The following PHLPP1 variants were observed in gnomAD, a reference collection of about 807,000 sequenced individuals.
PHLPP1 encodes the protein PH domain and leucine rich repeat protein phosphatase 1, also known as PH domain leucine-rich repeat-containing protein phosphatase 1.
A neutral mutation model predicts 117.2 loss-of-function variants in PHLPP1; 42 were observed. That is an observed-to-expected ratio of 0.36 (90% CI 0.28 to 0.46). PHLPP1 has a LOEUF of 0.46. PHLPP1 is among the 20% of genes least tolerant of loss of function. PHLPP1 has a pLI of 1.00. For missense variants in PHLPP1, 2,084 were observed against 2,241.9 expected, an observed-to-expected ratio of 0.93 and a Z score of 1.42; for synonymous variants, 1,042 against 970.7, an observed-to-expected ratio of 1.07 and a Z score of -1.37.
chr18:62,850,000 T>C (rs1915297583), intron 3 of PHLPP1, among the ~76,000 whole-genome samples: 1 of 150,582 alleles, frequency 6.6e-6, no homozygotes, highest in Admixed American at 6.7e-5. Flanking sequence ...AGTGGAGCAA[T>C]TGAAAAAACA....
At chr18:62,834,487 A>G (rs117854247) in intron 2 of PHLPP1, among the ~76,000 whole-genome samples, 14 of 152,188 alleles carry the variant, frequency 9.2e-5, no homozygotes, top group African/African-American at 2.9e-4. Context: ...CACAATTCCT[A>G]TAATGATCTC....
At position 62,717,380 on chromosome 18, in the gene PHLPP1, C is replaced by T. The variant is rs957997299; in HGVS notation, c.1576+121C>T. ...AGTGCGGGTCCTGATGAGTCTTTGT[C>T]TTAAACTTTACAGCTTTTTCATACA... On this transcript the variant is annotated intron_variant, in intron 1 of 16. Coordinates refer to ENST00000262719, the MANE Select transcript of PHLPP1 (RefSeq NM_194449.4). 3.9e-5 allele frequency: 52 copies of T among 1,329,934 alleles called. No individual in the cohort carries two copies. In the Admixed American group the frequency reaches 1.4e-3, roughly 36 times the overall value. The allele number at this position is 1,329,934 out of a possible 1,614,324, so 82.4% of individuals were successfully genotyped here.
intron 6 of PHLPP1, among the ~76,000 whole-genome samples, chr18:62,900,063 G>A (rs575764148): frequency 6.6e-6 from 1 of 152,142 alleles, no homozygotes; most frequent in East Asian, 1.9e-4. Context: ...TTGGGAGGCC[G>A]AGGCAGGTGG....
intron 14 of PHLPP1, 97 bp from the exon 15 acceptor site, chr18:62,972,417 G>C: frequency 8.9e-7 from 1 of 1,128,308 alleles, no homozygotes; most frequent in Non-Finnish European, 1.3e-6. Context: ...TGAAGAAAGA[G>C]ACAAAACTGA....
intron 4 of PHLPP1, among the ~76,000 whole-genome samples, chr18:62,873,302 C>G (rs1404655127): frequency 6.6e-6 from 1 of 152,136 alleles, no homozygotes. Flanking sequence ...ATGTCTTTAT[C>G]TTAGACTATT....
intron 10 of PHLPP1, among the ~76,000 whole-genome samples, chr18:62,934,209 A>G (rs1264497261): frequency 6.6e-6 from 1 of 152,198 alleles, no homozygotes; most frequent in Non-Finnish European, 1.5e-5. Context: ...CAGCAATCAC[A>G]CTACTGAATA....
At chr18:62,718,778 C>T (rs1250707817) in intron 1 of PHLPP1, among the ~76,000 whole-genome samples, 22 of 152,110 alleles carry the variant, frequency 1.4e-4, no homozygotes. Context: ...ATGGAAGGAA[C>T]TGTATATAAA....
At chr18:62,849,830 A>ATATATATATATATATATATATATAT (rs1465429883) in intron 3 of PHLPP1, among the ~76,000 whole-genome samples, 10 of 21,198 alleles carry the variant, frequency 4.7e-4, no homozygotes, top group East Asian at 2.2e-3. Flanking sequence ...AAAAAAAAAA[A>ATATATATATATATATATATATATAT]AAATATATAT....
intron 1 of PHLPP1, among the ~76,000 whole-genome samples, chr18:62,747,924 A>G (rs1911726042): frequency 6.6e-6 from 1 of 152,206 alleles, no homozygotes; most frequent in Admixed American, 6.5e-5. Context: ...ATTTTATCGT[A>G]TAATTGTCAA....
chr18:62,871,732 T>A (rs372538620), intron 4 of PHLPP1, among the ~76,000 whole-genome samples: 1 of 144,714 alleles, frequency 6.9e-6, no homozygotes, highest in East Asian at 2.2e-4. Flanking sequence ...GCAGCCTCCA[T>A]CTCCCAGACT....
chr18:62,978,303 G>T lies in PHLPP1; in HGVS notation c.4026G>T (p.Leu1342=). The change falls in exon 17 of 17, where the codon CTG becomes CTT. Residue 1342 remains leucine (L), a synonymous_variant. Transcript: ENST00000262719. The surrounding 1 kb of genome is among the most constrained non-coding windows in gnomAD (Gnocchi z 7.0). ...GAGTGACTGAGTCCACGCGCATCCT[G>T]GGCTACACCTTCCTCCATCCCAGTG... is the stretch of plus-strand genomic sequence containing the variant. ...VNGVTESTRI[L]GYTFLHPSVV... 6.2e-7 allele frequency: 1 copy of T among 1,612,638 alleles called. No homozygotes were observed. The highest frequency in any genetic ancestry group is 8.5e-7 in the Non-Finnish European group (1 of 1,179,116).
chr18:62,973,003 TGCAATGC>T (rs1275796553), intron 15 of PHLPP1, among the ~76,000 whole-genome samples: 1 of 152,224 alleles, frequency 6.6e-6, no homozygotes, highest in Non-Finnish European at 1.5e-5. Flanking sequence ...TCAGATTGTT[TGCAATGC>T]CATTTCTCCT....
At chr18:62,833,853 G>A (rs1313017543) in intron 2 of PHLPP1, among the ~76,000 whole-genome samples, 1 of 152,082 alleles carries the variant, frequency 6.6e-6, no homozygotes, top group East Asian at 1.9e-4. Flanking sequence ...TGCTGCTATA[G>A]TCTCATGTTG....
chr18:62,828,446 G>A (rs1914668819), intron 1 of PHLPP1, among the ~76,000 whole-genome samples: 1 of 152,192 alleles, frequency 6.6e-6, no homozygotes, highest in African/African-American at 2.4e-5. Flanking sequence ...TAACAGTGTA[G>A]CTGTTTGCTG....
chr18:62,833,814 G>C (rs150962951), intron 2 of PHLPP1, among the ~76,000 whole-genome samples: 1 of 152,190 alleles, frequency 6.6e-6, no homozygotes, highest in African/African-American at 2.4e-5. Flanking sequence ...GTTGCTTTCA[G>C]TTTGTTGTTG....
In PHLPP1 at chr18:62,951,854, G is replaced by A. The variant is rs1323328826; in HGVS notation, c.3324+6583G>A. Among the ~76,000 whole-genome samples, 10 of 131,686 alleles carry A rather than the reference G, an allele frequency of 7.6e-5. 1 individual carries two copies. Among genetic ancestry groups the A allele is most frequent in the Admixed American group, 1.8e-4 (2 of 11,324 alleles). The allele number at this position is 131,686 out of a possible 152,430, so 86.4% of individuals were successfully genotyped here. A position where few individuals can be genotyped will look rare whatever the true frequency, so the allele number is the denominator to read the frequency against. ...TTTTTTGAGACGGAGTCTTGCTGTC[G>A]CCCAGGCTCGAGTGCAATGGCGCGA... On this transcript the variant is annotated intron_variant, in intron 12 of 16. Transcript: ENST00000262719.
At chr18:62,817,696 C>T (rs1026549738) in intron 1 of PHLPP1, among the ~76,000 whole-genome samples, 45 of 151,820 alleles carry the variant, frequency 3.0e-4, no homozygotes, top group Admixed American at 7.2e-4. Flanking sequence ...CAAATTTGAC[C>T]ATAAATCTAA....
intron 1 of PHLPP1, among the ~76,000 whole-genome samples, chr18:62,802,064 T>A (rs1025399226): frequency 6.6e-6 from 1 of 152,160 alleles, no homozygotes; most frequent in Non-Finnish European, 1.5e-5. Flanking sequence ...TTGGCCAGAA[T>A]GTGTGTATGT....
At chr18:62,933,681 A>T (rs1258641323) in intron 10 of PHLPP1, among the ~76,000 whole-genome samples, 2 of 152,188 alleles carry the variant, frequency 1.3e-5, no homozygotes, top group Non-Finnish European at 2.9e-5. Flanking sequence ...TCTTCTGGAC[A>T]TTGGCCTGGG....
Sources: gnomAD v4.1 joint callset for allele counts (sites outside exome capture counted in the v4.1 genomes callset) on GRCh38, gnomAD v4.1.1 for gene constraint, Gnocchi (gnomAD v3.1) non-coding constraint, MANE v1.5 for transcripts, NCBI Gene and HGNC (gene_info 2026-07-23, HGNC 2026-07-21) for gene names.